The following MACROD2 variants were observed in gnomAD, a reference collection of about 807,000 sequenced individuals.
The protein encoded by MACROD2 is mono-ADP ribosylhydrolase 2.
A neutral mutation model predicts 70.4 loss-of-function variants in MACROD2; 36 were observed. The observed-to-expected ratio is 0.51, with a 90% CI of 0.39 to 0.68. The LOEUF is 0.68. MACROD2 is among the 30% of genes least tolerant of loss of function. The pLI, the probability that MACROD2 is intolerant of heterozygous loss-of-function variation, is 0.00. For missense variants in MACROD2, 496 were observed against 538.4 expected, an observed-to-expected ratio of 0.92 and a Z score of 0.78; for synonymous variants, 172 against 178.8, an observed-to-expected ratio of 0.96 and a Z score of 0.30.
intron 8 of MACROD2, among the ~76,000 whole-genome samples, chr20:15,572,850 G>A (rs1331817354): frequency 6.6e-6 from 1 of 152,008 alleles, no homozygotes; most frequent in African/African-American, 2.4e-5. Context: ...GCCCCAGGAG[G>A]AAACTTCATC....
chr20:15,852,213 T>A (rs116408832), intron 8 of MACROD2, among the ~76,000 whole-genome samples: 327 of 152,296 alleles, frequency 2.1e-3, no homozygotes, highest in African/African-American at 7.4e-3. Flanking sequence ...AGCCTCCAGC[T>A]CAAGCCAAAA....
chr20:15,374,966 TG>T (rs1299057729), intron 6 of MACROD2, among the ~76,000 whole-genome samples: 1 of 152,224 alleles, frequency 6.6e-6, no homozygotes, highest in African/African-American at 2.4e-5. Context: ...TTGGCATTAG[TG>T]CTTCCTGACT....
intron 15 of MACROD2, among the ~76,000 whole-genome samples, chr20:15,989,062 TCA>T (rs1009384727): frequency 6.6e-6 from 1 of 152,162 alleles, no homozygotes; most frequent in Non-Finnish European, 1.5e-5. Flanking sequence ...AAAGTACCTG[TCA>T]CATATAGTTA....
At chr20:15,846,900 CA>C (rs201035461) in intron 8 of MACROD2, among the ~76,000 whole-genome samples, 110 of 102,288 alleles carry the variant, frequency 1.1e-3, no homozygotes, top group African/African-American at 3.2e-3. Flanking sequence ...TTGACATAGT[CA>C]AAAAAAAAAT....
chr20:14,437,039 C>A, intron 3 of MACROD2, among the ~76,000 whole-genome samples: 1 of 151,916 alleles, frequency 6.6e-6, no homozygotes, highest in Non-Finnish European at 1.5e-5. Flanking sequence ...TTGGCAGGAC[C>A]CAAGGTTTAA....
chr20:15,038,406 A>G (rs2075330527), intron 5 of MACROD2, among the ~76,000 whole-genome samples: 1 of 152,202 alleles, frequency 6.6e-6, no homozygotes, highest in Non-Finnish European at 1.5e-5. Flanking sequence ...CAACCTGGGG[A>G]CAGCTTCCAA....
chr20:14,964,672 T>C (rs769005322), intron 5 of MACROD2, among the ~76,000 whole-genome samples: 40 of 152,196 alleles, frequency 2.6e-4, no homozygotes, highest in Non-Finnish European at 5.4e-4. Context: ...AAATTAATAG[T>C]AATAATAGCA....
chr20:14,231,357 C>T (rs1264223412), intron 3 of MACROD2, among the ~76,000 whole-genome samples: 1 of 151,884 alleles, frequency 6.6e-6, no homozygotes, highest in African/African-American at 2.4e-5. Flanking sequence ...TCTCATTGTT[C>T]AATTCCCACC....
chr20:15,867,530 AAAT>A (rs1347374363), intron 9 of MACROD2, among the ~76,000 whole-genome samples: 1 of 152,196 alleles, frequency 6.6e-6, no homozygotes, highest in Non-Finnish European at 1.5e-5. Context: ...GGCCTACAGC[AAAT>A]AATATTTGTA....
At chr20:14,734,023 A>G (rs1478038090) in intron 5 of MACROD2, among the ~76,000 whole-genome samples, 1 of 152,132 alleles carries the variant, frequency 6.6e-6, no homozygotes, top group Non-Finnish European at 1.5e-5. Context: ...AGGCACTTTC[A>G]AAAATGATCT....
At chr20:14,086,380 A>G (rs2054076953) in intron 3 of MACROD2, among the ~76,000 whole-genome samples, 1 of 152,228 alleles carries the variant, frequency 6.6e-6, no homozygotes, top group South Asian at 2.1e-4. Context: ...AATATTGTAA[A>G]TGAGAGGATA....
At chr20:14,599,958 T>G (rs1982380037) in intron 4 of MACROD2, among the ~76,000 whole-genome samples, 1 of 151,988 alleles carries the variant, frequency 6.6e-6, no homozygotes, top group African/African-American at 2.4e-5. Context: ...TGAATTGAAT[T>G]AAGGTGGTGA....
chr20:14,862,216 T>TAAAA (rs1265584365), intron 5 of MACROD2, among the ~76,000 whole-genome samples: 1 of 30,612 alleles, frequency 3.3e-5, no homozygotes, highest in Non-Finnish European at 5.9e-5. Flanking sequence ...AATATATATA[T>TAAAA]ATATAAATAT....
intron 5 of MACROD2, among the ~76,000 whole-genome samples, chr20:14,990,430 T>C (rs2074891049): frequency 2.0e-5 from 3 of 151,812 alleles, no homozygotes; most frequent in Admixed American, 2.0e-4. Context: ...CTGAGGTCTT[T>C]GCTTAAATAA....
chr20:15,754,633 GAA>G (rs1396739172), intron 8 of MACROD2, among the ~76,000 whole-genome samples: 2 of 69,496 alleles, frequency 2.9e-5, no homozygotes, highest in African/African-American at 5.2e-5. Context: ...CTCTAAAAAA[GAA>G]AAAAAAAAAG....
intron 5 of MACROD2, among the ~76,000 whole-genome samples, chr20:15,219,862 T>C (rs1414856307): frequency 4.6e-5 from 7 of 151,088 alleles, no homozygotes. Flanking sequence ...AGCCAAAACC[T>C]ATCTCTAAAA....
At chr20:14,915,234 C>A (rs1482932761) in intron 5 of MACROD2, among the ~76,000 whole-genome samples, 2 of 152,196 alleles carry the variant, frequency 1.3e-5, no homozygotes, top group Admixed American at 1.3e-4. Context: ...CTCTTACGAG[C>A]GTGAGTAAAG....
chr20:15,009,945 TTA>T (rs573708281), intron 5 of MACROD2, among the ~76,000 whole-genome samples: 83 of 152,138 alleles, frequency 5.5e-4, no homozygotes, highest in Non-Finnish European at 9.4e-4. Context: ...ATTGGCAAGA[TTA>T]TGTTTCCTTT....
chr20:15,225,176 AAAAG>A (rs2076895087), intron 5 of MACROD2, among the ~76,000 whole-genome samples: 1 of 152,126 alleles, frequency 6.6e-6, no homozygotes, highest in Admixed American at 6.5e-5. Flanking sequence ...CTAGGAAAAT[AAAAG>A]AAAGATATAC....
Sources: gnomAD v4.1 joint callset for allele counts (sites outside exome capture counted in the v4.1 genomes callset) on GRCh38, gnomAD v4.1.1 for gene constraint, MANE v1.5 for transcripts, NCBI Gene and HGNC (gene_info 2026-07-23, HGNC 2026-07-21) for gene names.